Variants in DCUN1D4 observed in about 807,000 individuals in gnomAD.
The protein encoded by DCUN1D4 is DCN1-like protein 4.
DCUN1D4 carries 22 observed loss-of-function variants against 47.9 expected under a neutral mutation model. The ratio of observed to expected loss-of-function variants is 0.46; its 90% confidence interval spans 0.33 to 0.66. The LOEUF is 0.66. Ranked by LOEUF, DCUN1D4 falls within the 30% of genes least tolerant of loss-of-function variation. The pLI is 0.02. For synonymous variants in DCUN1D4, 121 were observed against 112.2 expected (o/e 1.08, Z -0.50); for missense variants, 301 against 340.8 (o/e 0.88, Z 0.92).
intron 1 of DCUN1D4, among the ~76,000 whole-genome samples, chr4:51,855,207 G>C (rs1560456763): frequency 6.6e-6 from 1 of 152,180 alleles, no homozygotes; most frequent in African/African-American, 2.4e-5. Context: ...AATCTATAGA[G>C]ACAGAAAGTA....
chr4:51,880,970 T>C (rs1415235245), intron 5 of DCUN1D4, among the ~76,000 whole-genome samples: 1 of 151,878 alleles, frequency 6.6e-6, no homozygotes, highest in Non-Finnish European at 1.5e-5. Flanking sequence ...CTAATAAAAA[T>C]ACAAAAAATT....
At chr4:51,902,924 A>G (rs981803630) in intron 8 of DCUN1D4, among the ~76,000 whole-genome samples, 20 of 152,074 alleles carry the variant, frequency 1.3e-4, no homozygotes, top group Admixed American at 9.8e-4. Flanking sequence ...CTACCTTCAT[A>G]TAATGTTATG....
At chr4:51,839,295 A>T (rs1327524054), upstream of DCUN1D4, among the ~76,000 whole-genome samples, 1 of 152,140 alleles carries the variant, frequency 6.6e-6, no homozygotes, top group South Asian at 2.1e-4. Flanking sequence ...AATATTAAAA[A>T]CATGGAGTCT....
chr4:51,912,971 T>G (rs751649331), intron 9 of DCUN1D4, among the ~76,000 whole-genome samples: 1 of 152,224 alleles, frequency 6.6e-6, no homozygotes, highest in Non-Finnish European at 1.5e-5. Context: ...AATATCTTTA[T>G]GAAGTAGATA....
At chr4:51,886,494 G>C in intron 5 of DCUN1D4, 74 bp from the exon 6 acceptor site, 2 of 1,338,944 alleles carry the variant, frequency 1.5e-6, no homozygotes, top group South Asian at 1.3e-5. Flanking sequence ...CTTGTTGACA[G>C]TATAATACTA....
rs180830087 is a variant in DCUN1D4, at chr4:51,872,350, A to T, written c.137-1921A>T. 4.3e-4 allele frequency among the ~76,000 whole-genome samples: 65 copies of T among 152,318 alleles called. 1 individual carries two copies. The highest frequency in any genetic ancestry group is 3.7e-3 in the Admixed American group (56 of 15,304). ...TGACAGCTCTCTCTGCCTTCAGAGC[A>T]GGTATCTGGAAAGAGCTGTTCACAT... On this transcript the variant is annotated intron_variant, in intron 3 of 10. Coordinates refer to ENST00000334635, the MANE Select transcript of DCUN1D4 (RefSeq NM_001040402.3).
chr4:51,839,478 G>A (rs1378520811), upstream of DCUN1D4, among the ~76,000 whole-genome samples: 2 of 152,166 alleles, frequency 1.3e-5, no homozygotes, highest in Non-Finnish European at 2.9e-5. Context: ...AGTAGTGCCC[G>A]TCACATAGGA....
intron 1 of DCUN1D4, chr4:51,844,290 C>T (rs1440179402): frequency 1.0e-6 from 1 of 964,868 alleles, no homozygotes; most frequent in South Asian, 4.8e-5. Flanking sequence ...GGGGGGAGTC[C>T]AAGCTTCGGG....
intron 1 of DCUN1D4, among the ~76,000 whole-genome samples, chr4:51,849,231 G>T (rs138365737): frequency 6.6e-6 from 1 of 152,182 alleles, no homozygotes; most frequent in East Asian, 1.9e-4. Context: ...AAGGAAAGAA[G>T]AGTAGCCCAT....
intron 3 of DCUN1D4, among the ~76,000 whole-genome samples, chr4:51,871,857 T>C (rs1031870569): frequency 2.0e-5 from 3 of 152,194 alleles, no homozygotes; most frequent in Non-Finnish European, 4.4e-5. Flanking sequence ...GCTTTAGTGG[T>C]GTTTGTGAAC....
the DCUN1D4 span, among the ~76,000 whole-genome samples, chr4:51,837,384 T>G: frequency 6.6e-6 from 1 of 152,198 alleles, no homozygotes; most frequent in Admixed American, 6.5e-5. Context: ...TAAGAAATCT[T>G]AGGCCGGGCG....
At chr4:51,875,078 T>C (rs1341863605) in intron 4 of DCUN1D4, 1 of 152,256 alleles carries the variant, frequency 6.6e-6, no homozygotes, top group African/African-American at 2.4e-5. Flanking sequence ...ATATCACTAA[T>C]GGGCCAGAAT....
chr4:51,874,211 GAA>G lies in DCUN1D4; in HGVS notation c.137-59_137-58del, dbSNP rs1727328124. 2.7e-6 allele frequency: 3 copies of G among 1,098,228 alleles called. No homozygotes were observed. In the South Asian group the frequency reaches 4.5e-5, roughly 16 times the overall value. The allele number at this position is 1,098,228 out of a possible 1,614,324, so 68.0% of individuals were successfully genotyped here. A position where few individuals can be genotyped will look rare whatever the true frequency, so the allele number is the denominator to read the frequency against. ...TTTAAATTAGCAGTACTGTTCTTTG[GAA>G]GTACAGAGTTAGGATGTAGCATACC... On this transcript the variant is annotated intron_variant, in intron 3 of 10. Transcript: ENST00000334635.
chr4:51,902,793 T>A (rs78479892), intron 8 of DCUN1D4, among the ~76,000 whole-genome samples: 3,646 of 152,230 alleles, frequency 0.024, 70 homozygotes, highest in Non-Finnish European at 0.034. Flanking sequence ...CCCACCTATT[T>A]TTTGTTCCTT....
intron 3 of DCUN1D4, among the ~76,000 whole-genome samples, chr4:51,869,060 G>A (rs1042192435): frequency 6.8e-6 from 1 of 147,872 alleles, no homozygotes; most frequent in Non-Finnish European, 1.5e-5. Context: ...GGGGGCCGAG[G>A]TTGCAGTGAG....
intron 5 of DCUN1D4, among the ~76,000 whole-genome samples, chr4:51,881,947 C>T (rs1485384153): frequency 3.9e-5 from 6 of 152,006 alleles, no homozygotes; most frequent in Non-Finnish European, 7.4e-5. Context: ...GTAGGAGGAT[C>T]GTTTGAGCTA....
chr4:51,913,685 A>G lies in DCUN1D4; in HGVS notation c.*101A>G. ...TCAAAGCGCATGCTGCTTCTCTTGC[A>G]CTGTTTCCCTTTCGCAGGGACATGT... On this transcript the variant is annotated 3_prime_UTR_variant, in exon 11 of 11. Transcript: ENST00000334635. The G allele has an allele frequency of 1.9e-6, 2 of 1,074,566 alleles. No homozygotes were observed. Among genetic ancestry groups the G allele is most frequent in the Admixed American group, 1.8e-5 (1 of 54,736 alleles). The allele number at this position is 1,074,566 out of a possible 1,614,324, so 66.6% of individuals were successfully genotyped here. A position where few individuals can be genotyped will look rare whatever the true frequency, so the allele number is the denominator to read the frequency against.
intron 9 of DCUN1D4, among the ~76,000 whole-genome samples, chr4:51,911,429 T>C (rs1350434558): frequency 6.6e-6 from 1 of 152,174 alleles, no homozygotes; most frequent in Non-Finnish European, 1.5e-5. Context: ...TTCTCTCTTT[T>C]CTCATCCCCA....
chr4:51,857,323 T>C (rs1378018603), intron 1 of DCUN1D4, among the ~76,000 whole-genome samples: 1 of 152,204 alleles, frequency 6.6e-6, no homozygotes, highest in Non-Finnish European at 1.5e-5. Flanking sequence ...CTTACGGCCC[T>C]AATGCTTTCC....
Sources: allele counts gnomAD v4.1 joint callset (sites outside exome capture counted in the v4.1 genomes callset), GRCh38; gene constraint gnomAD v4.1.1; transcripts MANE v1.5; gene names NCBI Gene and HGNC (gene_info 2026-07-23, HGNC 2026-07-21).